The following MAGI2 variants were observed in gnomAD, a reference collection of about 807,000 sequenced individuals.
MAGI2 encodes the protein membrane-associated guanylate kinase, WW and PDZ domain-containing protein 2.
A neutral mutation model predicts 133.3 loss-of-function variants in MAGI2; 35 were observed. The observed-to-expected ratio is 0.26, with a 90% CI of 0.20 to 0.35. The LOEUF (loss-of-function observed/expected upper bound fraction) is 0.35. Ranked by LOEUF, MAGI2 falls within the 10% of genes least tolerant of loss-of-function variation. MAGI2 has a pLI of 1.00. For synonymous variants in MAGI2, 729 were observed against 710.6 expected (o/e 1.03, Z -0.41); for missense variants, 1,636 against 1,863.4 (o/e 0.88, Z 2.25).
chr7:78,424,266 C>G (rs754143667), intron 6 of MAGI2, among the ~76,000 whole-genome samples: 9 of 152,146 alleles, frequency 5.9e-5, no homozygotes, highest in Non-Finnish European at 1.3e-4. Flanking sequence ...AAACCTTGGC[C>G]GCTTCCATGT....
Position 79,071,076 on chromosome 7 carries a change from G to A in MAGI2, c.302-63870C>T, listed in dbSNP as rs562021822. ...ATTGCACTGGTTTCGCCCCATCTTC[G>A]TGGATTTATCTACCTTTGGTCTTTG... On this transcript the variant is annotated intron_variant, in intron 1 of 21. Transcript: ENST00000354212. 5.3e-5 allele frequency among the ~76,000 whole-genome samples: 8 copies of A among 152,268 alleles called. No homozygotes were observed. The South Asian group carries it at 8.3e-4, about 16-fold the overall frequency.
intron 2 of MAGI2, among the ~76,000 whole-genome samples, chr7:78,851,281 C>A (rs1793115635): frequency 6.6e-6 from 1 of 151,998 alleles, no homozygotes; most frequent in South Asian, 2.1e-4. Flanking sequence ...TAACCACAAA[C>A]AACAAGATCT....
intron 20 of MAGI2, among the ~76,000 whole-genome samples, chr7:78,105,858 C>G (rs1818628885): frequency 6.6e-6 from 1 of 151,980 alleles, no homozygotes; most frequent in Non-Finnish European, 1.5e-5. Flanking sequence ...TTCTTTGTAT[C>G]AGAAACATTT....
intron 1 of MAGI2, among the ~76,000 whole-genome samples, chr7:79,150,254 C>T (rs973557523): frequency 2.4e-4 from 20 of 82,052 alleles, no homozygotes; most frequent in South Asian, 6.2e-4. Flanking sequence ...GGTAAATTTA[C>T]GGTTAAAAAA....
intron 1 of MAGI2, chr7:79,415,162 A>G (rs1490867859): frequency 2.0e-5 from 3 of 152,196 alleles, no homozygotes; most frequent in Non-Finnish European, 4.4e-5. Flanking sequence ...CCTACATAAG[A>G]AAAAGCTATG....
chr7:79,113,707 A>C (rs961393337), intron 1 of MAGI2, among the ~76,000 whole-genome samples: 1 of 152,176 alleles, frequency 6.6e-6, no homozygotes, highest in Non-Finnish European at 1.5e-5. Flanking sequence ...CTATTTAACT[A>C]AACCATGGTA....
At chr7:78,734,918 G>A (rs1481194183) in intron 2 of MAGI2, among the ~76,000 whole-genome samples, 2 of 152,130 alleles carry the variant, frequency 1.3e-5, no homozygotes, top group African/African-American at 4.8e-5. Context: ...AGAAACAAAT[G>A]TTCTTTGTTG....
At chr7:78,937,230 A>T (rs1721503364) in intron 2 of MAGI2, among the ~76,000 whole-genome samples, 1 of 152,158 alleles carries the variant, frequency 6.6e-6, no homozygotes, top group Admixed American at 6.6e-5. Flanking sequence ...AAGCAATAAA[A>T]TACAGAATGA....
chr7:79,063,440 T>C (rs1813974647), intron 1 of MAGI2, among the ~76,000 whole-genome samples: 1 of 152,086 alleles, frequency 6.6e-6, no homozygotes, highest in African/African-American at 2.4e-5. Context: ...GTATCCATGG[T>C]GAAGTTTGAA....
intron 3 of MAGI2, 49 bp from the exon 4 acceptor site, chr7:78,521,694 T>C (rs984133363): frequency 6.7e-7 from 1 of 1,502,418 alleles, no homozygotes; most frequent in Non-Finnish European, 9.2e-7. Flanking sequence ...TCTTCTACCA[T>C]GTACATAATT....
At chr7:78,852,363 C>T (rs564129521) in intron 2 of MAGI2, among the ~76,000 whole-genome samples, 17 of 151,850 alleles carry the variant, frequency 1.1e-4, no homozygotes, top group Non-Finnish European at 2.4e-4. Flanking sequence ...TGATTTTTTT[C>T]ACGAACAGGA....
Position 79,222,740 on chromosome 7 carries a change from T to A in MAGI2, c.302-215534A>T, listed in dbSNP as rs184552936. ...AAATGTACCTTTACTAAAGATTTTA[T>A]TTGCTAGGATAAACATTCCAGTTTC... On this transcript the variant is annotated intron_variant, in intron 1 of 21. Transcript: ENST00000354212. Among the ~76,000 whole-genome samples, 221 of 152,180 alleles carry A rather than the reference T, an allele frequency of 1.5e-3. 3 individuals carry two copies. The highest frequency in any genetic ancestry group is 5.1e-3 in the African/African-American group (212 of 41,436).
intron 1 of MAGI2, among the ~76,000 whole-genome samples, chr7:79,137,825 C>G (rs1317561506): frequency 2.6e-5 from 4 of 152,074 alleles, no homozygotes; most frequent in Non-Finnish European, 5.9e-5. Flanking sequence ...CAACATATGT[C>G]TATGTCTTCA....
At chr7:78,522,882 C>A (rs1327231627) in intron 3 of MAGI2, among the ~76,000 whole-genome samples, 5 of 152,078 alleles carry the variant, frequency 3.3e-5, no homozygotes, top group Non-Finnish European at 7.3e-5. Flanking sequence ...AAGTTATGCA[C>A]CCAGGCACTC....
At chr7:78,224,509 C>T (rs576401228) in intron 10 of MAGI2, among the ~76,000 whole-genome samples, 146 of 152,084 alleles carry the variant, frequency 9.6e-4, no homozygotes, top group African/African-American at 3.4e-3. Context: ...CTGCTGAAAA[C>T]ACAAAGATTA....
chr7:78,146,564 A>G (rs1368224213), intron 16 of MAGI2, among the ~76,000 whole-genome samples: 1 of 152,202 alleles, frequency 6.6e-6, no homozygotes, highest in Non-Finnish European at 1.5e-5. Context: ...TTTCTTTTCA[A>G]GTATTCAGAA....
At chr7:78,988,968 A>G (rs1805513490) in intron 2 of MAGI2, among the ~76,000 whole-genome samples, 1 of 152,084 alleles carries the variant, frequency 6.6e-6, no homozygotes, top group South Asian at 2.1e-4. Flanking sequence ...TGAAATAAAT[A>G]ACAGAAAATA....
rs551369573 is a variant in MAGI2, at chr7:78,452,710, C to T, written c.1045+37051G>A. ...GAAAAATTCAGTTAAACAGGTATAC[C>T]GGGCCACTAGATACCAAGTACCAGG... is the stretch of plus-strand genomic sequence containing the variant. On this transcript the variant is annotated intron_variant, in intron 6 of 21. Coordinates refer to ENST00000354212, the MANE Select transcript of MAGI2 (RefSeq NM_012301.4). 1.2e-4 allele frequency among the ~76,000 whole-genome samples: 18 copies of T among 150,792 alleles called. No individual in the cohort carries two copies. The South Asian group carries it at 2.7e-3, about 23-fold the overall frequency.
intron 1 of MAGI2, among the ~76,000 whole-genome samples, chr7:79,149,712 G>C (rs1053442727): frequency 5.9e-5 from 9 of 152,180 alleles, no homozygotes; most frequent in African/African-American, 2.2e-4. Context: ...CAGAGCCTTA[G>C]GTAGGAATAT....
Sources: gnomAD v4.1 joint callset for allele counts (sites outside exome capture counted in the v4.1 genomes callset) on GRCh38, gnomAD v4.1.1 for gene constraint, MANE v1.5 for transcripts, NCBI Gene and HGNC (gene_info 2026-07-23, HGNC 2026-07-21) for gene names.